The following AOPEP variants were observed in gnomAD, a reference collection of about 807,000 sequenced individuals.
AOPEP encodes the protein aminopeptidase O (putative), also known as aminopeptidase O.
In AOPEP, 77 loss-of-function variants were observed where a neutral mutation model predicts 98.1. The ratio of observed to expected loss-of-function variants is 0.78; its 90% CI spans 0.65 to 0.95. The LOEUF (loss-of-function observed/expected upper bound fraction) is 0.95, where lower values mean the gene tolerates loss of function less well. Among genes scored for constraint, AOPEP ranks in the 40% least tolerant of loss-of-function variants. The pLI is 0.00. For synonymous variants in AOPEP, 346 were observed against 365.3 expected (o/e 0.95, Z 0.60); for missense variants, 1,024 against 1,024.7 (o/e 1.00, Z 0.01).
At chr9:95,131,833 T>C in the AOPEP span, among the ~76,000 whole-genome samples, 1 of 152,168 alleles carries the variant, frequency 6.6e-6, no homozygotes, top group Non-Finnish European at 1.5e-5. Context: ...AGCTGCATAC[T>C]GGGAGTCTGT....
At chr9:95,058,323 A>G (rs1390742407) in intron 13 of AOPEP, among the ~76,000 whole-genome samples, 1 of 152,242 alleles carries the variant, frequency 6.6e-6, no homozygotes, top group African/African-American at 2.4e-5. Flanking sequence ...GAGTTCTAAC[A>G]GTAGGCTTCT....
At chr9:94,756,140 G>A (rs913386776) in intron 1 of AOPEP, among the ~76,000 whole-genome samples, 11 of 151,856 alleles carry the variant, frequency 7.2e-5, no homozygotes, top group Admixed American at 1.3e-4. Flanking sequence ...GGCACCTGTA[G>A]TCCCAGCTAC....
At chr9:95,002,711 T>C (rs916970188) in intron 11 of AOPEP, among the ~76,000 whole-genome samples, 1 of 152,190 alleles carries the variant, frequency 6.6e-6, no homozygotes, top group African/African-American at 2.4e-5. Context: ...GAAAGACCTT[T>C]CTGCAAAAGC....
chr9:94,815,711 G>A (rs1359774285), intron 5 of AOPEP, among the ~76,000 whole-genome samples: 5 of 152,132 alleles, frequency 3.3e-5, no homozygotes, highest in Non-Finnish European at 7.4e-5. Flanking sequence ...TTGCCTGCAC[G>A]GTTGCTGTTA....
chr9:95,143,097 T>C, the AOPEP span, among the ~76,000 whole-genome samples: 1 of 152,322 alleles, frequency 6.6e-6, no homozygotes, highest in East Asian at 1.9e-4. Context: ...GTTTGATAAT[T>C]TGCTAGAATG....
At chr9:95,135,467 C>G in the AOPEP span, 1 of 1,614,042 alleles carries the variant, frequency 6.2e-7, no homozygotes, top group Non-Finnish European at 8.5e-7. Flanking sequence ...AAGCCAGAGG[C>G]AGACTACAGC....
chr9:94,865,776 A>G (rs900691957), intron 5 of AOPEP, among the ~76,000 whole-genome samples: 3 of 152,234 alleles, frequency 2.0e-5, no homozygotes, highest in African/African-American at 7.2e-5. Flanking sequence ...AATCTGACCT[A>G]AAACAGACAG....
chr9:94,959,799 G>A (rs1289034467), intron 9 of AOPEP, among the ~76,000 whole-genome samples: 1 of 152,080 alleles, frequency 6.6e-6, no homozygotes, highest in Non-Finnish European at 1.5e-5. Flanking sequence ...ATCTGTGTAT[G>A]TATGTATATA....
At chr9:95,048,741 TGGCGGTAAACCTTTTA>T (rs958870743) in intron 13 of AOPEP, 4 of 152,196 alleles carry the variant, frequency 2.6e-5, no homozygotes, top group African/African-American at 9.7e-5. Flanking sequence ...GCTTCCAAGC[TGGCGGTAAACCTTTTA>T]AATTCAGAGT....
intron 1 of AOPEP, among the ~76,000 whole-genome samples, chr9:94,747,325 T>C (rs952761693): frequency 5.3e-5 from 8 of 152,208 alleles, no homozygotes; most frequent in African/African-American, 1.9e-4. Flanking sequence ...CATTATGTTA[T>C]CTTGCATTAT....
chr9:95,093,209 C>G, the AOPEP span, among the ~76,000 whole-genome samples: 2,069 of 152,246 alleles, frequency 0.014, 43 homozygotes, highest in African/African-American at 0.047. Context: ...AGAGGACTTG[C>G]GTACAGGAGG....
intron 4 of AOPEP, among the ~76,000 whole-genome samples, chr9:94,796,217 G>T (rs1846895481): frequency 1.3e-5 from 2 of 152,204 alleles, no homozygotes. Context: ...ACTGGTGAAT[G>T]GGGTTCCTCC....
chr9:94,770,508 G>T (rs67034605), intron 2 of AOPEP, among the ~76,000 whole-genome samples: 6,748 of 152,226 alleles, frequency 0.044, 210 homozygotes, highest in Non-Finnish European at 0.068. Context: ...TCCTCTTTCA[G>T]ACTCACTCGC....
intron 11 of AOPEP, 26 bp from the exon 12 acceptor site, chr9:95,005,132 C>T (rs1053497632): frequency 2.7e-6 from 3 of 1,121,204 alleles, no homozygotes; most frequent in Non-Finnish European, 3.3e-6. Flanking sequence ...CCGCGGTAAA[C>T]TTGACTGTGT....
intron 5 of AOPEP, among the ~76,000 whole-genome samples, chr9:94,834,423 G>A (rs1364327109): frequency 6.6e-6 from 1 of 152,142 alleles, no homozygotes; most frequent in Non-Finnish European, 1.5e-5. Context: ...AACACTGACT[G>A]GATAGTTAGT....
At chr9:95,110,418 G>T in the AOPEP span, 4 of 1,025,016 alleles carry the variant, frequency 3.9e-6, no homozygotes, top group Non-Finnish European at 4.7e-6. Context: ...CATCAACCAG[G>T]ATTTTCCTTA....
chr9:94,982,734 A>T (rs2060267875), intron 11 of AOPEP, among the ~76,000 whole-genome samples: 1 of 152,094 alleles, frequency 6.6e-6, no homozygotes, highest in South Asian at 2.1e-4. Context: ...AATCAAACTT[A>T]TTCGGGGCCT....
At chr9:94,784,436 A>G (rs1381977802) in intron 3 of AOPEP, among the ~76,000 whole-genome samples, 2 of 152,176 alleles carry the variant, frequency 1.3e-5, no homozygotes, top group East Asian at 1.9e-4. Context: ...TCATGAACTG[A>G]CTACTCCTTC....
chr9:94,821,983 A>ACG (rs1853292018), intron 5 of AOPEP, among the ~76,000 whole-genome samples: 1 of 133,046 alleles, frequency 7.5e-6, no homozygotes, highest in African/African-American at 2.5e-5. Flanking sequence ...ACACACACAC[A>ACG]CACACACACA....
Sources: allele counts gnomAD v4.1 joint callset (sites outside exome capture counted in the v4.1 genomes callset), GRCh38; gene constraint gnomAD v4.1.1; transcripts MANE v1.5; gene names NCBI Gene and HGNC (gene_info 2026-07-23, HGNC 2026-07-21).